The following PRKAR1A variants were observed in gnomAD, a reference collection of about 807,000 sequenced individuals.
PRKAR1A encodes the protein cAMP-dependent protein kinase type I-alpha regulatory subunit.
In PRKAR1A, 3 loss-of-function variants were observed where a neutral mutation model predicts 52.0. The observed-to-expected ratio is 0.06, with a 90% confidence interval of 0.03 to 0.15. The LOEUF is 0.15. Ranked by LOEUF, PRKAR1A falls within the 10% of genes least tolerant of loss-of-function variation. The probability of loss-of-function intolerance (pLI) is 1.00; values close to 1 mark genes in which losing one functional copy is unlikely to be tolerated. For synonymous variants in PRKAR1A, 188 were observed against 168.4 expected (o/e 1.12, Z -0.90); for missense variants, 240 against 477.4 (o/e 0.50, Z 4.63).
chr17:68,524,820 C>A, intron 5 of PRKAR1A, 92 bp from the exon 6 acceptor site: 1 of 956,650 alleles, frequency 1.0e-6, no homozygotes, highest in Non-Finnish European at 1.7e-6. Flanking sequence ...TCTCACAGTA[C>A]CACTGTAAAA....
the PRKAR1A span, among the ~76,000 whole-genome samples, chr17:68,488,619 T>A: frequency 6.6e-6 from 1 of 151,154 alleles, no homozygotes; most frequent in Admixed American, 6.6e-5. Flanking sequence ...TAATCCCAGC[T>A]ACTTGGGAGG....
intron 11 of PRKAR1A, among the ~76,000 whole-genome samples, chr17:68,550,008 C>A (rs1198327871): frequency 6.6e-6 from 1 of 152,206 alleles, no homozygotes; most frequent in African/African-American, 2.4e-5. Flanking sequence ...GGGACAGATA[C>A]ATTAACCTGG....
chr17:68,437,921 G>C, the PRKAR1A span, among the ~76,000 whole-genome samples: 1 of 114,080 alleles, frequency 8.8e-6, no homozygotes. Flanking sequence ...CAGAAACTTT[G>C]AGATCACGCA....
At chr17:68,421,983 C>T in the PRKAR1A span, 34 of 754,754 alleles carry the variant, frequency 4.5e-5, no homozygotes, top group South Asian at 5.0e-4. Context: ...GGTCACCCAG[C>T]TTATTTAGGT....
the PRKAR1A span, among the ~76,000 whole-genome samples, chr17:68,499,475 AT>A: frequency 6.6e-6 from 1 of 152,028 alleles, no homozygotes; most frequent in East Asian, 1.9e-4. Flanking sequence ...TTGGGTGCTG[AT>A]TTGCATTCCA....
At chr17:68,425,434 T>C in the PRKAR1A span, among the ~76,000 whole-genome samples, 1 of 150,366 alleles carries the variant, frequency 6.7e-6, no homozygotes, top group Non-Finnish European at 1.5e-5. Flanking sequence ...TTGCCCAGGC[T>C]GGTCTCTAAC....
the PRKAR1A span, among the ~76,000 whole-genome samples, chr17:68,504,421 C>T: frequency 3.9e-5 from 6 of 152,084 alleles, no homozygotes; most frequent in African/African-American, 9.7e-5. Flanking sequence ...GACCTGAGAT[C>T]GTGCCACTGC....
chr17:68,475,910 ATTG>A, the PRKAR1A span, among the ~76,000 whole-genome samples: 8 of 151,934 alleles, frequency 5.3e-5, no homozygotes, highest in African/African-American at 1.9e-4. Flanking sequence ...GTTTTTTGTT[ATTG>A]TTGTTCTCTT....
the PRKAR1A span, among the ~76,000 whole-genome samples, chr17:68,418,607 G>A: frequency 7.4e-3 from 1,130 of 152,312 alleles, 6 homozygotes; most frequent in South Asian, 0.023. Context: ...TCCTTAGGTG[G>A]TATGGCTTTG....
the PRKAR1A span, among the ~76,000 whole-genome samples, chr17:68,474,725 G>A: frequency 3.3e-5 from 5 of 152,056 alleles, no homozygotes; most frequent in African/African-American, 1.2e-4. Context: ...GAAACTCCGT[G>A]CCTACTAAAA....
At chr17:68,515,233 A>C in intron 1 of PRKAR1A, 161 bp from the exon 2 acceptor site, 1 of 699,260 alleles carries the variant, frequency 1.4e-6, no homozygotes, top group Non-Finnish European at 2.5e-6. Context: ...CTAATTCTGT[A>C]CATATTTTAT....
intron 11 of PRKAR1A, among the ~76,000 whole-genome samples, chr17:68,546,055 G>C (rs1485257760): frequency 6.6e-6 from 1 of 151,388 alleles, no homozygotes; most frequent in Non-Finnish European, 1.5e-5. Flanking sequence ...TGTAGTCCCA[G>C]CTACTTGGGA....
chr17:68,504,681 G>A, the PRKAR1A span, among the ~76,000 whole-genome samples: 2 of 152,206 alleles, frequency 1.3e-5, no homozygotes. Flanking sequence ...ATGGTTACCA[G>A]TGGCTGGGAA....
At chr17:68,461,212 CA>C in the PRKAR1A span, among the ~76,000 whole-genome samples, 1 of 152,010 alleles carries the variant, frequency 6.6e-6, no homozygotes, top group Non-Finnish European at 1.5e-5. The surrounding 1 kb of genome is among the most constrained non-coding windows in gnomAD (Gnocchi z 4.6). Flanking sequence ...AACAAACAAA[CA>C]AAAAACTCCA....
chr17:68,523,076 G>A (rs970410439), intron 3 of PRKAR1A, 150 bp downstream of exon 3: 34 of 865,780 alleles, frequency 3.9e-5, no homozygotes, highest in Middle Eastern at 3.4e-4. Flanking sequence ...ACAGGTTTCT[G>A]TAATAGCATG....
chr17:68,499,810 A>G, the PRKAR1A span, among the ~76,000 whole-genome samples: 5 of 152,338 alleles, frequency 3.3e-5, no homozygotes, highest in South Asian at 2.1e-4. Context: ...CACCCCAGCC[A>G]GTGGTGTAGG....
chr17:68,420,359 G>C, the PRKAR1A span: 3 of 1,614,142 alleles, frequency 1.9e-6, no homozygotes, highest in Admixed American at 1.7e-5. Context: ...CGTCCTCCAA[G>C]ACATTGCCAA....
chr17:68,432,400 CTCTT>C, the PRKAR1A span, among the ~76,000 whole-genome samples: 3 of 152,212 alleles, frequency 2.0e-5, no homozygotes, highest in Non-Finnish European at 2.9e-5. Context: ...CTTGGCACCT[CTCTT>C]TCAGCCTTGT....
At chr17:68,497,388 G>A in the PRKAR1A span, among the ~76,000 whole-genome samples, 1 of 152,154 alleles carries the variant, frequency 6.6e-6, no homozygotes, top group Non-Finnish European at 1.5e-5. Context: ...CGTTCTAGAG[G>A]GAACTTTAGA....
Sources: gnomAD v4.1 joint callset for allele counts (sites outside exome capture counted in the v4.1 genomes callset) on GRCh38, gnomAD v4.1.1 for gene constraint, Gnocchi (gnomAD v3.1) non-coding constraint, MANE v1.5 for transcripts, NCBI Gene and HGNC (gene_info 2026-07-23, HGNC 2026-07-21) for gene names.